TMEM161B: variants seen among roughly 807,000 people sequenced by gnomAD.
TMEM161B encodes the protein transmembrane protein 161B.
Under a neutral mutation model 61.8 loss-of-function variants are expected in TMEM161B, and 34 were observed. The observed-to-expected ratio is 0.55, with a 90% CI of 0.42 to 0.73. TMEM161B has a LOEUF of 0.73. TMEM161B is among the 30% of genes least tolerant of loss of function. The pLI is 0.00. For synonymous variants in TMEM161B, 167 were observed against 192.8 expected, an observed-to-expected ratio of 0.87 and a Z score of 1.11; for missense variants, 456 against 558.5, an observed-to-expected ratio of 0.82 and a Z score of 1.85.
intron 4 of TMEM161B, among the ~76,000 whole-genome samples, chr5:88,223,134 T>TC (rs1749312718): frequency 6.6e-6 from 1 of 151,500 alleles, no homozygotes; most frequent in African/African-American, 2.4e-5. Context: ...TAAATTCATT[T>TC]TTTTTTTTTA....
chr5:88,208,949 C>A (rs1746138767), intron 5 of TMEM161B, among the ~76,000 whole-genome samples: 1 of 152,172 alleles, frequency 6.6e-6, no homozygotes, highest in Non-Finnish European at 1.5e-5. Flanking sequence ...ATATATCTCA[C>A]ACACATAGTC....
intron 5 of TMEM161B, among the ~76,000 whole-genome samples, chr5:88,219,944 T>G (rs1389944610): frequency 6.6e-6 from 1 of 151,914 alleles, no homozygotes; most frequent in Non-Finnish European, 1.5e-5. Flanking sequence ...ATATTAGCTA[T>G]GCTGGAAGTT....
downstream of TMEM161B, among the ~76,000 whole-genome samples, chr5:88,192,008 A>G (rs1222093209): frequency 3.2e-5 from 3 of 92,614 alleles, no homozygotes; most frequent in African/African-American, 5.0e-5. Context: ...ATATATATAT[A>G]TATATATATA....
At chr5:88,262,769 A>G (rs188466651) in intron 1 of TMEM161B, among the ~76,000 whole-genome samples, 1 of 152,254 alleles carries the variant, frequency 6.6e-6, no homozygotes, top group East Asian at 1.9e-4. Context: ...AGATTCATCA[A>G]TTGTAAGAAA....
chr5:88,199,227 C>T (rs1385670364), intron 9 of TMEM161B, 77 bp from the exon 10 acceptor site: 1 of 1,396,472 alleles, frequency 7.2e-7, no homozygotes, highest in Non-Finnish European at 9.6e-7. Flanking sequence ...TAATGGTCAC[C>T]ATATAAGATA....
chr5:88,229,542 G>A (rs986224959), intron 2 of TMEM161B, among the ~76,000 whole-genome samples: 8 of 148,634 alleles, frequency 5.4e-5, no homozygotes, highest in Admixed American at 1.3e-4. Context: ...TTATTTTTCC[G>A]TAATACAAAT....
At chr5:88,235,991 C>T (rs1272439374) in intron 2 of TMEM161B, among the ~76,000 whole-genome samples, 2 of 152,122 alleles carry the variant, frequency 1.3e-5, no homozygotes, top group African/African-American at 4.8e-5. Flanking sequence ...AGGGTAGTAG[C>T]TGAAGGTTTA....
downstream of TMEM161B, chr5:88,190,252 TTGCATTATGC>T: frequency 1.4e-6 from 1 of 700,828 alleles, no homozygotes; most frequent in Non-Finnish European, 2.6e-6. Context: ...GGACCTTGCC[TTGCATTATGC>T]TGTCGGCAGG....
intron 5 of TMEM161B, among the ~76,000 whole-genome samples, chr5:88,213,471 G>T (rs1237880995): frequency 6.6e-6 from 1 of 152,014 alleles, no homozygotes; most frequent in African/African-American, 2.4e-5. Flanking sequence ...CACAAAAAAA[G>T]CTTTCAGCCA....
intron 8 of TMEM161B, among the ~76,000 whole-genome samples, chr5:88,203,750 CATAT>C (rs35091076): frequency 2.1e-5 from 2 of 93,816 alleles, no homozygotes; most frequent in Non-Finnish European, 2.0e-5. Context: ...ATTTCCCTAT[CATAT>C]ATATATATAT....
intron 1 of TMEM161B, among the ~76,000 whole-genome samples, chr5:88,264,601 A>G (rs1217041866): frequency 1.3e-5 from 2 of 152,210 alleles, no homozygotes; most frequent in East Asian, 3.8e-4. Flanking sequence ...CCAAAGGACT[A>G]TAAATCATTC....
At chr5:88,251,009 AGACTGATTTGAGTG>A (rs528286577) in intron 1 of TMEM161B, 147 of 152,344 alleles carry the variant, frequency 9.6e-4, no homozygotes, top group African/African-American at 3.3e-3. Flanking sequence ...TGACTGAGTG[AGACTGATTTGAGTG>A]AGAAGCGACT....
At chr5:88,202,865 A>G (rs1336063659) in intron 9 of TMEM161B, 97 bp downstream of exon 9, 2 of 821,390 alleles carry the variant, frequency 2.4e-6, no homozygotes, top group Non-Finnish European at 4.2e-6. Flanking sequence ...TGAAAAATAC[A>G]GTGTCCTGAT....
chr5:88,231,253 T>C (rs1256360822), intron 2 of TMEM161B, among the ~76,000 whole-genome samples: 1 of 152,176 alleles, frequency 6.6e-6, no homozygotes, highest in East Asian at 1.9e-4. Context: ...GAGGGGATCA[T>C]GGGAATCCTC....
chr5:88,220,763 AC>A (rs764048099), intron 4 of TMEM161B, 44 bp from the exon 5 acceptor site: 6 of 1,504,978 alleles, frequency 4.0e-6, no homozygotes, highest in Admixed American at 2.5e-5. Context: ...GTCAAAAAAA[AC>A]AGTTTCACTT....
intron 1 of TMEM161B, among the ~76,000 whole-genome samples, chr5:88,261,808 C>T (rs780647606): frequency 3.5e-5 from 5 of 144,508 alleles, no homozygotes; most frequent in Non-Finnish European, 7.5e-5. Context: ...AGAACATAGA[C>T]CTAAATGTAA....
intron 1 of TMEM161B, among the ~76,000 whole-genome samples, chr5:88,244,568 G>A (rs1753290555): frequency 6.8e-6 from 1 of 146,494 alleles, no homozygotes; most frequent in Non-Finnish European, 1.5e-5. Context: ...CGAGTAATGT[G>A]ATGCCTCCAG....
chr5:88,202,140 GGCTCAGTGAA>G (rs1244787062), intron 9 of TMEM161B: 12 of 454,068 alleles, frequency 2.6e-5, no homozygotes, highest in Non-Finnish European at 5.3e-5. Flanking sequence ...GGGAAACAGA[GGCTCAGTGAA>G]GTTAAATAAC....
intron 1 of TMEM161B, among the ~76,000 whole-genome samples, chr5:88,257,364 TTAAA>T (rs1230008541): frequency 6.6e-6 from 1 of 152,198 alleles, no homozygotes; most frequent in Non-Finnish European, 1.5e-5. Context: ...GAAAGCTTCA[TTAAA>T]TAAATTTAAT....
Sources: gnomAD v4.1 joint callset for allele counts (sites outside exome capture counted in the v4.1 genomes callset) on GRCh38, gnomAD v4.1.1 for gene constraint, MANE v1.5 for transcripts, NCBI Gene and HGNC (gene_info 2026-07-23, HGNC 2026-07-21) for gene names.